The following SLCO6A1 variants were observed in gnomAD, a reference collection of about 807,000 sequenced individuals.
SLCO6A1 encodes the protein solute carrier organic anion transporter family member 6A1, also known as cancer/testis antigen 48.
Under a neutral mutation model 72.7 loss-of-function variants are expected in SLCO6A1, and 65 were observed. That is an observed-to-expected ratio of 0.89 (90% confidence interval 0.73 to 1.10). The LOEUF is 1.10. Among genes scored for constraint, SLCO6A1 ranks in the 50% least tolerant of loss-of-function variants. The probability of loss-of-function intolerance (pLI) is 0.00; values close to 1 mark genes in which losing one functional copy is unlikely to be tolerated. For missense variants in SLCO6A1, 874 were observed against 872.6 expected (o/e 1.00, Z -0.02); for synonymous variants, 314 against 298.2 (o/e 1.05, Z -0.55).
At chr5:102,459,858 AGT>A in intron 4 of SLCO6A1, 81 bp from the exon 5 acceptor site, 1 of 1,204,564 alleles carries the variant, frequency 8.3e-7, no homozygotes, top group Non-Finnish European at 1.1e-6. Flanking sequence ...GAGTGGAGAA[AGT>A]GAGAGTGAGA....
At chr5:102,415,149 A>G (rs62369345) in intron 8 of SLCO6A1, among the ~76,000 whole-genome samples, 2 of 151,876 alleles carry the variant, frequency 1.3e-5, no homozygotes, top group African/African-American at 4.8e-5. Context: ...AGCAATCTAC[A>G]TATTCAATAA....
chr5:102,429,546 T>C (rs914312890), intron 7 of SLCO6A1, among the ~76,000 whole-genome samples: 1 of 152,208 alleles, frequency 6.6e-6, no homozygotes, highest in Non-Finnish European at 1.5e-5. Context: ...ACCAGCACCA[T>C]TTACTGAATA....
At chr5:102,472,810 C>A (rs935468026) in intron 4 of SLCO6A1, among the ~76,000 whole-genome samples, 3 of 151,880 alleles carry the variant, frequency 2.0e-5, no homozygotes, top group African/African-American at 4.8e-5. Context: ...CAACTAAATG[C>A]CACAGAAGTA....
intron 12 of SLCO6A1, among the ~76,000 whole-genome samples, chr5:102,377,079 A>G: frequency 6.6e-6 from 1 of 152,124 alleles, no homozygotes. Flanking sequence ...CAGGAGGATT[A>G]CTTGAGGACA....
chr5:102,437,740 A>C (rs1369860750), intron 7 of SLCO6A1, among the ~76,000 whole-genome samples: 1 of 152,042 alleles, frequency 6.6e-6, no homozygotes, highest in East Asian at 1.9e-4. Flanking sequence ...TTTTGCCCAC[A>C]TGCTTTTTGT....
chr5:102,473,896 A>T (rs530102348), intron 4 of SLCO6A1, among the ~76,000 whole-genome samples: 5 of 151,972 alleles, frequency 3.3e-5, no homozygotes, highest in Admixed American at 3.3e-4. Flanking sequence ...ATAAAACATT[A>T]TTGAAAAAAA....
At chr5:102,375,036 T>A (rs995873320) in intron 12 of SLCO6A1, among the ~76,000 whole-genome samples, 1 of 152,144 alleles carries the variant, frequency 6.6e-6, no homozygotes, top group African/African-American at 2.4e-5. Context: ...TTATTTTCTA[T>A]ATTGGATGGG....
At chr5:102,486,782 C>G (rs1375393220) in intron 1 of SLCO6A1, among the ~76,000 whole-genome samples, 2 of 152,076 alleles carry the variant, frequency 1.3e-5, no homozygotes, top group African/African-American at 2.4e-5. Flanking sequence ...CTATGATTCT[C>G]TACCCAAAAA....
intron 5 of SLCO6A1, 140 bp downstream of exon 5, chr5:102,459,516 A>T: frequency 1.1e-6 from 1 of 910,222 alleles, no homozygotes; most frequent in Non-Finnish European, 1.6e-6. Context: ...AGCACTTGAC[A>T]CTGTATCTCT....
Position 102,475,716 on chromosome 5 carries a change from T to C in SLCO6A1, c.880A>G (p.Asn294Asp), listed in dbSNP as rs1751861289. The part of the protein sequence containing the change: ...LGAPLVKVPE[N>D]TTSATNTTVN... ...CCTTACTTTGTTGCAGAAGTAGTAT[T>C]CTCAGGGACTTTAACTAGTGGTGCT... Residue 294 changes from asparagine (N) to aspartate (D), a missense_variant, in exon 4 of 14, where the codon AAT becomes GAT. Transcript: ENST00000506729. 2 of 1,601,610 alleles carry C rather than the reference T, an allele frequency of 1.2e-6. No homozygotes were observed. The highest frequency in any genetic ancestry group is 8.5e-7 in the Non-Finnish European group (1 of 1,173,820).
chr5:102,413,445 T>C (rs1748102811), intron 8 of SLCO6A1, among the ~76,000 whole-genome samples: 1 of 152,020 alleles, frequency 6.6e-6, no homozygotes, highest in Non-Finnish European at 1.5e-5. Flanking sequence ...CTTGTGCCCC[T>C]TGGTAATTTC....
chr5:102,498,989 G>A lies in SLCO6A1; in HGVS notation c.-145C>T. On this transcript the variant is annotated 5_prime_UTR_variant, in exon 1 of 14. Transcript: ENST00000506729. ...CTCTTGCCGCCCAAGCCTCCAGAGC[G>A]AACGTTTCTCCTAGGGCAGGAGGCA... 1.3e-6 allele frequency: 1 copy of A among 748,446 alleles called. No homozygotes were observed. The highest frequency in any genetic ancestry group is 2.2e-6 in the Non-Finnish European group (1 of 455,714). The allele number at this position is 748,446 out of a possible 1,614,324, so 46.4% of individuals were successfully genotyped here. A position where few individuals can be genotyped will look rare whatever the true frequency, so the allele number is the denominator to read the frequency against.
intron 7 of SLCO6A1, among the ~76,000 whole-genome samples, chr5:102,433,533 G>T (rs78315393): frequency 0.054 from 8,233 of 152,184 alleles, 731 homozygotes; most frequent in African/African-American, 0.19. Context: ...GAAGGCAAAG[G>T]CTCAGCTCAG....
chr5:102,438,530 A>T, intron 7 of SLCO6A1, 87 bp downstream of exon 7: 1 of 1,084,586 alleles, frequency 9.2e-7, no homozygotes, highest in Admixed American at 2.9e-5. Flanking sequence ...ATAATTCTTT[A>T]TATTTTTATT....
At chr5:102,421,253 G>A (rs1748585286) in intron 7 of SLCO6A1, among the ~76,000 whole-genome samples, 1 of 151,900 alleles carries the variant, frequency 6.6e-6, no homozygotes, top group African/African-American at 2.4e-5. Flanking sequence ...AGTGGCACCT[G>A]GAACCCCAGT....
intron 1 of SLCO6A1, among the ~76,000 whole-genome samples, chr5:102,493,314 G>T (rs955594343): frequency 6.6e-6 from 1 of 152,020 alleles, no homozygotes; most frequent in African/African-American, 2.4e-5. Context: ...AATAAAAAGG[G>T]CTTATCCTAG....
At chr5:102,405,272 T>G (rs1319553023) in intron 9 of SLCO6A1, among the ~76,000 whole-genome samples, 1 of 151,908 alleles carries the variant, frequency 6.6e-6, no homozygotes, top group Non-Finnish European at 1.5e-5. Context: ...GCATTTAAAT[T>G]AAAAATTGCT....
intron 1 of SLCO6A1, among the ~76,000 whole-genome samples, chr5:102,497,925 T>C (rs1752979245): frequency 6.6e-6 from 1 of 152,152 alleles, no homozygotes; most frequent in Non-Finnish European, 1.5e-5. Context: ...AACATCATTA[T>C]TGTAAAACCG....
At chr5:102,470,289 T>G (rs1260995911) in intron 4 of SLCO6A1, among the ~76,000 whole-genome samples, 1 of 152,198 alleles carries the variant, frequency 6.6e-6, no homozygotes, top group Non-Finnish European at 1.5e-5. Context: ...TGTCTGGTCC[T>G]GGACTTTTTT....
Sources: allele counts gnomAD v4.1 joint callset (sites outside exome capture counted in the v4.1 genomes callset), GRCh38; gene constraint gnomAD v4.1.1; transcripts MANE v1.5; gene names NCBI Gene and HGNC (gene_info 2026-07-23, HGNC 2026-07-21).